RGS6: variants seen among roughly 807,000 people sequenced by gnomAD.
The protein encoded by RGS6 is regulator of G-protein signaling 6.
RGS6 carries 30 observed loss-of-function variants against 78.5 expected under a neutral mutation model. The ratio of observed to expected loss-of-function variants is 0.38; its 90% CI spans 0.29 to 0.52. The LOEUF (loss-of-function observed/expected upper bound fraction) is 0.52, where lower values mean the gene tolerates loss of function less well. Ranked by LOEUF, RGS6 falls within the 20% of genes least tolerant of loss-of-function variation. RGS6 has a pLI of 0.85. For missense variants in RGS6, 495 were observed against 609.7 expected (o/e 0.81, Z 1.98); for synonymous variants, 206 against 206.0 (o/e 1.00, Z 0.00).
Position 72,204,864 on chromosome 14 carries a change from T to G in RGS6, c.85-147231T>G, listed in dbSNP as rs115946014. Among the ~76,000 whole-genome samples, 1,135 of 152,238 alleles carry G rather than the reference T, an allele frequency of 7.5e-3. 19 individuals carry two copies. The highest frequency in any genetic ancestry group is 0.026 in the African/African-American group (1,092 of 41,542). On this transcript the variant is annotated intron_variant, in intron 2 of 17. Coordinates refer to ENST00000553525, the MANE Select transcript of RGS6 (RefSeq NM_001204424.2). The stretch of plus-strand genomic sequence containing the variant: ...TTTGCCTGCCTCATAGTGCTGTACT[T>G]ATATCCAGGGGGAGCACCCCCAAGT...
chr14:72,188,724 T>G (rs2097283700), intron 2 of RGS6, among the ~76,000 whole-genome samples: 1 of 152,196 alleles, frequency 6.6e-6, no homozygotes, highest in Non-Finnish European at 1.5e-5. Flanking sequence ...GTGGTCTTCT[T>G]GATGGAAAGC....
intron 13 of RGS6, among the ~76,000 whole-genome samples, chr14:72,509,668 G>T (rs1309344515): frequency 6.6e-6 from 1 of 152,190 alleles, no homozygotes; most frequent in African/African-American, 2.4e-5. Context: ...CTTTACTCTG[G>T]ATGTGTCAAT....
In RGS6 at chr14:72,446,924, A is replaced by G. The variant is rs117569948; in HGVS notation, c.185-7604A>G. ...TGTGAGTGATGGGGAGGGGCTGTAA[A>G]TACAGATGAAGCTTCACTTGCTCAC... On this transcript the variant is annotated intron_variant, in intron 3 of 17. Transcript: ENST00000553525. Among the ~76,000 whole-genome samples the G allele has an allele frequency of 8.7e-3, 1,323 of 152,218 alleles. 13 individuals are homozygous for G. The highest frequency in any genetic ancestry group is 0.024 in the Middle Eastern group (7 of 294).
intron 2 of RGS6, among the ~76,000 whole-genome samples, chr14:72,332,640 C>T (rs2075295862): frequency 6.6e-6 from 1 of 152,156 alleles, no homozygotes. Context: ...GCCATACCTT[C>T]TGCAAGCACC....
chr14:72,140,004 A>C (rs1312832869), intron 2 of RGS6, among the ~76,000 whole-genome samples: 1 of 152,212 alleles, frequency 6.6e-6, no homozygotes, highest in East Asian at 1.9e-4. Context: ...AATGCCACCA[A>C]GTCTCTACCT....
At chr14:72,021,175 CT>C (rs1282020265) in intron 2 of RGS6, among the ~76,000 whole-genome samples, 1 of 152,194 alleles carries the variant, frequency 6.6e-6, no homozygotes, top group Non-Finnish European at 1.5e-5. Context: ...GGCCAGACGT[CT>C]TTGTCCTTCC....
At chr14:71,926,556 G>C in the RGS6 span, among the ~76,000 whole-genome samples, 7 of 143,446 alleles carry the variant, frequency 4.9e-5, no homozygotes, top group African/African-American at 1.3e-4. Flanking sequence ...TGCACTCCAG[G>C]CTGGGTGACA....
chr14:71,897,852 G>A, the RGS6 span, among the ~76,000 whole-genome samples: 1 of 152,050 alleles, frequency 6.6e-6, no homozygotes, highest in Admixed American at 6.6e-5. Flanking sequence ...TTACAGCAAG[G>A]GAGGACTCCT....
chr14:72,526,286 T>TC (rs397716801), intron 15 of RGS6, among the ~76,000 whole-genome samples: 6 of 149,662 alleles, frequency 4.0e-5, no homozygotes, highest in Admixed American at 2.7e-4. Context: ...TGTTTTTTTT[T>TC]AGTAGAGTCG....
At chr14:71,875,232 T>G in the RGS6 span, among the ~76,000 whole-genome samples, 2 of 152,150 alleles carry the variant, frequency 1.3e-5, no homozygotes, top group East Asian at 3.8e-4. Context: ...CCAGCTCCTC[T>G]TTGTACCTCT....
At chr14:72,251,741 A>T (rs2055837626) in intron 2 of RGS6, among the ~76,000 whole-genome samples, 2 of 152,154 alleles carry the variant, frequency 1.3e-5, no homozygotes, top group Non-Finnish European at 2.9e-5. Context: ...AGTGTTGAAA[A>T]ACTACCCATT....
intron 2 of RGS6, among the ~76,000 whole-genome samples, chr14:72,316,695 C>T (rs917088631): frequency 6.6e-6 from 1 of 152,170 alleles, no homozygotes; most frequent in Non-Finnish European, 1.5e-5. Flanking sequence ...GATTCCCTAG[C>T]CCTAGGCTGC....
At chr14:72,150,273 G>A (rs1173452923) in intron 2 of RGS6, among the ~76,000 whole-genome samples, 1 of 152,088 alleles carries the variant, frequency 6.6e-6, no homozygotes, top group Non-Finnish European at 1.5e-5. Context: ...GGAATGCCAG[G>A]AGCACCAGAA....
chr14:71,961,511 G>A (rs555634322), intron 1 of RGS6, among the ~76,000 whole-genome samples: 3 of 152,132 alleles, frequency 2.0e-5, no homozygotes, highest in African/African-American at 7.2e-5. Context: ...GGCACAGAGA[G>A]GAGAAGGAAC....
At chr14:72,220,526 C>T (rs558132621) in intron 2 of RGS6, among the ~76,000 whole-genome samples, 15 of 152,098 alleles carry the variant, frequency 9.9e-5, no homozygotes, top group South Asian at 2.1e-4. Flanking sequence ...AAAACATTTC[C>T]GTAAATATTG....
intron 2 of RGS6, among the ~76,000 whole-genome samples, chr14:72,144,988 G>A (rs2096589047): frequency 6.6e-6 from 1 of 152,064 alleles, no homozygotes. Context: ...GTGATGATTG[G>A]TCAGGTTGGA....
At chr14:72,590,309 T>C in the RGS6 span, among the ~76,000 whole-genome samples, 11 of 152,326 alleles carry the variant, frequency 7.2e-5, no homozygotes, top group East Asian at 2.1e-3. Context: ...AATAAAAATA[T>C]ATGTTCACAA....
At chr14:72,287,647 G>A (rs1465703122) in intron 2 of RGS6, among the ~76,000 whole-genome samples, 3 of 152,010 alleles carry the variant, frequency 2.0e-5, no homozygotes, top group Non-Finnish European at 2.9e-5. Context: ...TAGTAGAGAC[G>A]GAGTTTCACC....
At chr14:72,140,772 A>C (rs941755972) in intron 2 of RGS6, among the ~76,000 whole-genome samples, 1 of 152,208 alleles carries the variant, frequency 6.6e-6, no homozygotes, top group Non-Finnish European at 1.5e-5. Flanking sequence ...TCTTGGCCTA[A>C]GAGTTTTCAG....
Sources: gnomAD v4.1 joint callset for allele counts (sites outside exome capture counted in the v4.1 genomes callset) on GRCh38, gnomAD v4.1.1 for gene constraint, MANE v1.5 for transcripts, NCBI Gene and HGNC (gene_info 2026-07-23, HGNC 2026-07-21) for gene names.